Variants in FMN2 observed in about 807,000 individuals in gnomAD.
FMN2 encodes the protein formin 2, also known as formin-2.
Under a neutral mutation model 142.3 loss-of-function variants are expected in FMN2, and 51 were observed. The ratio of observed to expected loss-of-function variants is 0.36; its 90% CI spans 0.29 to 0.45. The LOEUF (loss-of-function observed/expected upper bound fraction) is 0.45. FMN2 is among the 20% of genes least tolerant of loss of function. The pLI is 1.00. For missense variants in FMN2, 1,936 were observed against 2,122.8 expected (o/e 0.91, Z 1.73); for synonymous variants, 882 against 869.8 (o/e 1.01, Z -0.25).
intron 2 of FMN2, among the ~76,000 whole-genome samples, chr1:240,159,393 C>A (rs1664165110): frequency 6.6e-6 from 1 of 152,108 alleles, no homozygotes; most frequent in African/African-American, 2.4e-5. Context: ...GCTCTTCTAA[C>A]TCCTGTATTC....
chr1:240,143,843 A>T (rs1370220648), intron 2 of FMN2: 1 of 1,579,296 alleles, frequency 6.3e-7, no homozygotes, highest in Non-Finnish European at 8.7e-7. Flanking sequence ...TGCCACCTCC[A>T]TGCTGGACTT....
chr1:240,140,194 G>GT (rs1203539451), intron 2 of FMN2, among the ~76,000 whole-genome samples: 2 of 151,772 alleles, frequency 1.3e-5, no homozygotes, highest in Admixed American at 6.6e-5. Context: ...GTCATTGTCA[G>GT]TTTTTTTTGT....
chr1:240,229,525 A>C (rs376800332), intron 6 of FMN2, among the ~76,000 whole-genome samples: 1 of 152,236 alleles, frequency 6.6e-6, no homozygotes, highest in Non-Finnish European at 1.5e-5. Flanking sequence ...ATATGCTGCT[A>C]TGATAGTACC....
chr1:240,276,593 T>C (rs1357530824), intron 7 of FMN2, among the ~76,000 whole-genome samples: 1 of 152,092 alleles, frequency 6.6e-6, no homozygotes, highest in African/African-American at 2.4e-5. Context: ...ATTCATATTG[T>C]TAGTGGAAGA....
intron 15 of FMN2, among the ~76,000 whole-genome samples, chr1:240,430,724 A>AG (rs1449823608): frequency 1.3e-5 from 2 of 151,420 alleles, no homozygotes; most frequent in East Asian, 1.9e-4. Context: ...TAAAAAAAAA[A>AG]AAAAAAAACT....
chr1:240,453,338 T>C (rs1318531666), intron 16 of FMN2, among the ~76,000 whole-genome samples: 1 of 152,188 alleles, frequency 6.6e-6, no homozygotes, highest in East Asian at 1.9e-4. Context: ...ATCGAAGCAT[T>C]ACCAATGATA....
rs544524617 is a variant in FMN2 at position 240,437,932 on chromosome 1, T to G, written c.4911-129T>G. On this transcript the variant is annotated intron_variant, in intron 15 of 17. Transcript: ENST00000319653. ...CCATAAGAGAGCTACTGTTGGTGCT[T>G]GAAGAGCTTGAGTCCTCTTGGTAAT... The G allele has an allele frequency of 1.1e-3, 1,338 of 1,170,972 alleles. 2 individuals are homozygous for G. Among genetic ancestry groups the G allele is most frequent in the Non-Finnish European group, 1.5e-3 (1,226 of 831,384 alleles). 72.5% of individuals were successfully genotyped at this position (1,170,972 alleles called of 1,614,324 possible). A position where few individuals can be genotyped will look rare whatever the true frequency, so the allele number is the denominator to read the frequency against.
intron 6 of FMN2, among the ~76,000 whole-genome samples, chr1:240,221,739 TC>T (rs369486002): frequency 2.4e-3 from 360 of 152,272 alleles, no homozygotes; most frequent in African/African-American, 8.4e-3. Context: ...TTTAATTAGA[TC>T]CCGTTTGTCA....
intron 1 of FMN2, among the ~76,000 whole-genome samples, chr1:240,107,275 G>A (rs181770196): frequency 5.9e-4 from 89 of 152,112 alleles, no homozygotes; most frequent in Non-Finnish European, 4.7e-4. Flanking sequence ...CGTAGCCCTG[G>A]AGAGGCTGAA....
intron 14 of FMN2, among the ~76,000 whole-genome samples, chr1:240,361,426 C>T (rs1477181883): frequency 1.3e-5 from 2 of 151,736 alleles, no homozygotes; most frequent in African/African-American, 2.4e-5. Context: ...CTTATAAGAT[C>T]GTTATGGTAC....
chr1:240,430,689 C>A (rs1017685975), intron 15 of FMN2, among the ~76,000 whole-genome samples: 1 of 148,690 alleles, frequency 6.7e-6, no homozygotes, highest in Admixed American at 6.7e-5. Flanking sequence ...CAAACAGATA[C>A]CCCATTGTTC....
intron 6 of FMN2, chr1:240,245,468 G>A (rs1004185258): frequency 2.4e-5 from 11 of 467,698 alleles, no homozygotes; most frequent in Non-Finnish European, 4.0e-5. Context: ...GAAATGCAGA[G>A]GAAGTTAGTC....
At chr1:240,188,724 T>G (rs1665582417) in intron 4 of FMN2, among the ~76,000 whole-genome samples, 1 of 152,218 alleles carries the variant, frequency 6.6e-6, no homozygotes, top group Non-Finnish European at 1.5e-5. Flanking sequence ...ATTTTTTTTC[T>G]GTTACTGTAT....
intron 15 of FMN2, among the ~76,000 whole-genome samples, chr1:240,420,296 A>G (rs1889869): frequency 0.15 from 22,683 of 151,992 alleles, 2,305 homozygotes; most frequent in Middle Eastern, 0.22. Context: ...CTCAGCTTCC[A>G]CATTCCTTCC....
At chr1:240,254,543 C>T (rs1461424734) in intron 6 of FMN2, among the ~76,000 whole-genome samples, 1 of 151,950 alleles carries the variant, frequency 6.6e-6, no homozygotes, top group African/African-American at 2.4e-5. Context: ...TAGGGGTGGA[C>T]CCCAGGTCCC....
intron 14 of FMN2, among the ~76,000 whole-genome samples, chr1:240,368,632 T>C (rs1375351745): frequency 6.6e-6 from 1 of 152,176 alleles, no homozygotes; most frequent in African/African-American, 2.4e-5. Context: ...GTTTTATGTA[T>C]GTATGTATTT....
At position 240,183,576 on chromosome 1, in the gene FMN2, C is replaced by G. The variant is rs542001469; in HGVS notation, c.1931-4631C>G. Among the ~76,000 whole-genome samples the G allele has an allele frequency of 3.5e-4, 53 of 150,986 alleles. 1 individual carries two copies. In the South Asian group the frequency reaches 0.011, roughly 31 times the overall value. The stretch of plus-strand genomic sequence containing the variant: ...ACATGTATATATACACACACACATG[C>G]CTACATATAGTTTTCATAAAATTGG... On this transcript the variant is annotated intron_variant, in intron 3 of 17. Coordinates refer to ENST00000319653, the MANE Select transcript of FMN2 (RefSeq NM_020066.5).
intron 8 of FMN2, among the ~76,000 whole-genome samples, chr1:240,325,950 C>G (rs1473493298): frequency 6.6e-6 from 1 of 152,144 alleles, no homozygotes; most frequent in Non-Finnish European, 1.5e-5. Context: ...TATTAAATGT[C>G]TTTAAACATC....
In FMN2 at chr1:240,092,346, G is replaced by T; in HGVS notation, c.237G>T (p.Arg79=). ...DSRASVFSNL[R]IRKNLSKGKG... is the part of the protein sequence containing the mutation. Reference sequence around the variant, plus strand: ...GAGCCTCGGTGTTTTCCAACCTGCGGATCAGGAAGAATCTGTCCAAGGGGA... The same window carrying T: ...GAGCCTCGGTGTTTTCCAACCTGCGTATCAGGAAGAATCTGTCCAAGGGGA... Residue 79 remains arginine (R), a synonymous_variant, in exon 1 of 18, where the codon CGG becomes CGT. Transcript: ENST00000319653. 1 of 1,609,150 alleles carries T rather than the reference G, an allele frequency of 6.2e-7. No homozygotes were observed. The highest frequency in any genetic ancestry group is 8.5e-7 in the Non-Finnish European group (1 of 1,176,832).
Sources: allele counts gnomAD v4.1 joint callset (sites outside exome capture counted in the v4.1 genomes callset), GRCh38; gene constraint gnomAD v4.1.1; transcripts MANE v1.5; gene names NCBI Gene and HGNC (gene_info 2026-07-23, HGNC 2026-07-21).